The following KCNT1 variants were observed in gnomAD, a reference collection of about 807,000 sequenced individuals.
KCNT1 encodes potassium sodium-activated channel subfamily T member 1, also known as potassium channel subfamily T member 1.
A neutral mutation model predicts 147.8 loss-of-function variants in KCNT1; 78 were observed. That is an observed-to-expected ratio of 0.53 (90% CI 0.44 to 0.64). The LOEUF is 0.64. Ranked by LOEUF, KCNT1 falls within the 30% of genes least tolerant of loss-of-function variation. KCNT1 has a pLI of 0.00. For missense variants in KCNT1, 1,419 were observed against 1,750.3 expected, an observed-to-expected ratio of 0.81 and a Z score of 3.38; for synonymous variants, 867 against 748.8, an observed-to-expected ratio of 1.16 and a Z score of -2.58.
intron 29 of KCNT1, 141 bp downstream of exon 29, chr9:135,786,662 C>T (rs1834078137): frequency 6.1e-6 from 5 of 821,882 alleles, no homozygotes; most frequent in Non-Finnish European, 9.1e-6. Context: ...GCCTTTCTGG[C>T]CACCCTCTGC....
At chr9:135,713,089 AC>A (rs1835568637) in intron 1 of KCNT1, among the ~76,000 whole-genome samples, 1 of 152,206 alleles carries the variant, frequency 6.6e-6, no homozygotes, top group Admixed American at 6.5e-5. Context: ...CAAAAGGCAG[AC>A]GGGGTGGGGA....
In KCNT1 at chr9:135,752,608, G is replaced by A. The variant is rs1356249599; in HGVS notation, c.435-1329G>A. 1.3e-5 allele frequency among the ~76,000 whole-genome samples: 2 copies of A among 152,104 alleles called. No homozygotes were observed. The highest frequency in any genetic ancestry group is 2.4e-5 in the African/African-American group (1 of 41,416). The stretch of plus-strand genomic sequence containing the variant: ...AAGATGGGTGGATGATGGATGGATG[G>A]TTGGATGGATGGTGGATGATGGATG... On this transcript the variant is annotated intron_variant, in intron 4 of 30. Coordinates refer to ENST00000371757, the MANE Select transcript of KCNT1 (RefSeq NM_020822.3). This position sits in a 1 kb window ranked among gnomAD's most constrained non-coding sequence, Gnocchi z 5.1.
rs750735913 is a variant in KCNT1 at position 135,779,322 on chromosome 9, AC to A, written c.2730-35del. 3.1e-6 allele frequency: 4 copies of A among 1,298,834 alleles called. No individual in the cohort carries two copies. The African/African-American group carries it at 6.3e-5, about 20-fold the overall frequency. The allele number at this position is 1,298,834 out of a possible 1,614,324, so 80.5% of individuals were successfully genotyped here. A position where few individuals can be genotyped will look rare whatever the true frequency, so the allele number is the denominator to read the frequency against. On this transcript the variant is annotated intron_variant, in intron 23 of 30. Transcript: ENST00000371757. ...CCCCACCCTGAGACCTCCTACAACC[AC>A]CATGGGCCCCGCCCTGAGCCGCCTG...
Position 135,794,478 on chromosome 9 carries a change from C to G in KCNT1, c.*2317C>G, listed in dbSNP as rs575193172. 1 of 152,394 alleles carries G rather than the reference C, an allele frequency of 6.6e-6. No individual in the cohort carries two copies. Among genetic ancestry groups the G allele is most frequent in the African/African-American group, 2.4e-5 (1 of 41,588 alleles). 9.4% of individuals were successfully genotyped at this position (152,394 alleles called of 1,614,324 possible). The stretch of plus-strand genomic sequence containing the variant: ...AGTAATGAGGCCACTTCGGGTCCAG[C>G]CCTGGACATCCGAGGAGGAGGCGGG... On this transcript the variant is annotated 3_prime_UTR_variant, in exon 31 of 31. Transcript: ENST00000371757.
chr9:135,718,507 G>A (rs1234777398), intron 2 of KCNT1, among the ~76,000 whole-genome samples: 4 of 152,216 alleles, frequency 2.6e-5, no homozygotes, highest in African/African-American at 9.7e-5. Context: ...GGGCCCCTGA[G>A]GGACCATCGT....
chr9:135,791,733 C>T, intron 29 of KCNT1, 64 bp from the exon 30 acceptor site: 1 of 1,400,238 alleles, frequency 7.1e-7, no homozygotes. Flanking sequence ...CACCTCTGGG[C>T]CCCTGCAGAG....
chr9:135,702,516 C>A, intron 1 of KCNT1, 148 bp downstream of exon 1: 1 of 672,970 alleles, frequency 1.5e-6, no homozygotes, highest in Non-Finnish European at 2.6e-6. Context: ...CTCCCAACCA[C>A]CTTGGGGAAC....
At chr9:135,791,732 G>A (rs1834544978) in intron 29 of KCNT1, 65 bp from the exon 30 acceptor site, 1 of 1,391,284 alleles carries the variant, frequency 7.2e-7, no homozygotes, top group Non-Finnish European at 1.0e-6. Flanking sequence ...ACACCTCTGG[G>A]CCCCTGCAGA....
intron 2 of KCNT1, among the ~76,000 whole-genome samples, chr9:135,733,790 A>C (rs1564329803): frequency 7.1e-6 from 1 of 141,088 alleles, no homozygotes; most frequent in East Asian, 2.2e-4. Context: ...GCAGCCCCCC[A>C]TAGCACCAGG....
chr9:135,738,696 C>T (rs945799866), intron 2 of KCNT1, among the ~76,000 whole-genome samples: 1 of 152,180 alleles, frequency 6.6e-6, no homozygotes, highest in Admixed American at 6.5e-5. Flanking sequence ...GGGGAGGGCA[C>T]TTGCTCCTGG....
Position 135,725,444 on chromosome 9 carries a change from G to A in KCNT1, c.254+10724G>A, listed in dbSNP as rs151108162. 4.8e-3 allele frequency among the ~76,000 whole-genome samples: 734 copies of A among 152,352 alleles called. 7 individuals carry two copies. Among genetic ancestry groups the A allele is most frequent in the African/African-American group, 0.017 (697 of 41,588 alleles). Reference sequence around the variant, plus strand: ...GAGAAGAAGCCACGCCGGGACAGACGCAGAGATCAGAGTGACGCTACCACG... The same window carrying A: ...GAGAAGAAGCCACGCCGGGACAGACACAGAGATCAGAGTGACGCTACCACG... On this transcript the variant is annotated intron_variant, in intron 2 of 30. Transcript: ENST00000371757.
At position 135,768,249 on chromosome 9, in the gene KCNT1, GGGGGGGGGCAC is replaced by G. The variant is rs1564366339; in HGVS notation, c.1338-360_1338-350del. On this transcript the variant is annotated intron_variant, in intron 13 of 30. Transcript: ENST00000371757. Reference sequence around the variant, plus strand: ...AGGCCCAGGATGCCTGCGGGGGGGGGGGGGGGGGCACTGGGATACCGGTGGGGGGGGCACAG... The same window carrying G: ...AGGCCCAGGATGCCTGCGGGGGGGGGTGGGATACCGGTGGGGGGGGCACAG... Among the ~76,000 whole-genome samples, 19 of 40,058 alleles carry G rather than the reference GGGGGGGGGCAC, an allele frequency of 4.7e-4. 3 individuals are homozygous for G. Among genetic ancestry groups the G allele is most frequent in the African/African-American group, 1.1e-3 (17 of 15,862 alleles). The allele number at this position is 40,058 out of a possible 152,430, so 26.3% of individuals were successfully genotyped here. A position where few individuals can be genotyped will look rare whatever the true frequency, so the allele number is the denominator to read the frequency against.
At chr9:135,727,988 G>A (rs1836287646) in intron 2 of KCNT1, among the ~76,000 whole-genome samples, 1 of 152,252 alleles carries the variant, frequency 6.6e-6, no homozygotes, top group East Asian at 1.9e-4. Flanking sequence ...GGCAAAGAGG[G>A]TTAAAATGGC....
chr9:135,780,338 G>A (rs1238634847), intron 24 of KCNT1, among the ~76,000 whole-genome samples: 1 of 152,232 alleles, frequency 6.6e-6, no homozygotes, highest in Non-Finnish European at 1.5e-5. Context: ...CTGCGTGGCT[G>A]CAGGATTGTG....
intron 10 of KCNT1, among the ~76,000 whole-genome samples, chr9:135,759,027 G>C (rs1831714232): frequency 6.6e-6 from 1 of 152,238 alleles, no homozygotes; most frequent in African/African-American, 2.4e-5. Context: ...TGTCAGGCAA[G>C]CACTGTGCCC....
At chr9:135,758,616 G>A in intron 10 of KCNT1, 108 bp downstream of exon 10, 1 of 899,522 alleles carries the variant, frequency 1.1e-6, no homozygotes, top group African/African-American at 1.6e-5. Context: ...TATCGGGGCA[G>A]AAAAGGCCAC....
At chr9:135,771,256 GTGGGA>G in intron 18 of KCNT1, 161 bp downstream of exon 18, 2 of 667,364 alleles carry the variant, frequency 3.0e-6, no homozygotes, top group African/African-American at 3.6e-5. Context: ...AGGTGACCAG[GTGGGA>G]CGGGAGACCA....
chr9:135,729,814 T>G (rs1836358575), intron 2 of KCNT1, among the ~76,000 whole-genome samples: 1 of 152,240 alleles, frequency 6.6e-6, no homozygotes, highest in African/African-American at 2.4e-5. Context: ...TGTCTGCGTG[T>G]GGCCTCAGGT....
intron 1 of KCNT1, among the ~76,000 whole-genome samples, chr9:135,706,372 T>C (rs1373257737): frequency 6.6e-6 from 1 of 152,220 alleles, no homozygotes; most frequent in South Asian, 2.1e-4. Context: ...AGTCAAAAGA[T>C]TCCCACAGTG....
Sources: gnomAD v4.1 joint callset for allele counts (sites outside exome capture counted in the v4.1 genomes callset) on GRCh38, gnomAD v4.1.1 for gene constraint, Gnocchi (gnomAD v3.1) non-coding constraint, MANE v1.5 for transcripts, NCBI Gene and HGNC (gene_info 2026-07-23, HGNC 2026-07-21) for gene names.